SORCS2: variants seen among roughly 807,000 people sequenced by gnomAD.
The protein encoded by SORCS2 is sortilin related VPS10 domain containing receptor 2.
SORCS2 carries 100 observed loss-of-function variants against 141.6 expected under a neutral mutation model. That is an observed-to-expected ratio of 0.71 (90% CI 0.60 to 0.83). The LOEUF is 0.83. Among genes scored for constraint, SORCS2 ranks in the 40% least tolerant of loss-of-function variants. The pLI is 0.00. For missense variants in SORCS2, 1,646 were observed against 1,560.2 expected (o/e 1.05, Z -0.93); for synonymous variants, 789 against 676.9 (o/e 1.17, Z -2.57).
intron 10 of SORCS2, among the ~76,000 whole-genome samples, chr4:7,683,107 C>T (rs544079902): frequency 3.9e-4 from 59 of 152,346 alleles, no homozygotes; most frequent in African/African-American, 1.3e-3. Flanking sequence ...CAGTTTTTGA[C>T]ACAGAATTGC....
intron 2 of SORCS2, among the ~76,000 whole-genome samples, chr4:7,506,582 T>C (rs6446605): frequency 0.16 from 23,858 of 151,406 alleles, 3,394 homozygotes; most frequent in African/African-American, 0.38. Flanking sequence ...AGTCACAAAC[T>C]GGCCGCATGG....
intron 1 of SORCS2, among the ~76,000 whole-genome samples, chr4:7,393,201 G>A (rs1004509063): frequency 1.3e-5 from 2 of 152,092 alleles, no homozygotes; most frequent in African/African-American, 2.4e-5. Flanking sequence ...ATTCCTGGCC[G>A]TCTGGGAAAG....
chr4:7,577,961 A>T (rs904181065), intron 3 of SORCS2, among the ~76,000 whole-genome samples: 4 of 151,414 alleles, frequency 2.6e-5, no homozygotes, highest in African/African-American at 9.7e-5. Context: ...ATACTGGCGA[A>T]GTCAGCTAGT....
At chr4:7,361,620 A>C (rs1347713632) in intron 1 of SORCS2, among the ~76,000 whole-genome samples, 2 of 152,154 alleles carry the variant, frequency 1.3e-5, no homozygotes, top group Non-Finnish European at 2.9e-5. Context: ...ATGGGAAAAA[A>C]GAGAGTCTGC....
chr4:7,203,739 G>A (rs975189913), intron 1 of SORCS2, among the ~76,000 whole-genome samples: 3 of 152,064 alleles, frequency 2.0e-5, no homozygotes, highest in Non-Finnish European at 4.4e-5. Context: ...TCACAGTGTT[G>A]TGCAGCTGTG....
At chr4:7,527,691 C>T (rs1577700420) in intron 2 of SORCS2, among the ~76,000 whole-genome samples, 3 of 151,720 alleles carry the variant, frequency 2.0e-5, no homozygotes, top group Admixed American at 2.0e-4. Flanking sequence ...TCACAGGCCC[C>T]CCCACCAGGT....
intron 18 of SORCS2, among the ~76,000 whole-genome samples, chr4:7,721,408 G>A (rs746658303): frequency 2.0e-5 from 3 of 152,190 alleles, no homozygotes; most frequent in Non-Finnish European, 4.4e-5. Context: ...GGAGGTTGCA[G>A]TGAGCCAAGA....
At chr4:7,644,078 A>C (rs929413210) in intron 4 of SORCS2, among the ~76,000 whole-genome samples, 1 of 152,176 alleles carries the variant, frequency 6.6e-6, no homozygotes, top group South Asian at 2.1e-4. Context: ...AACAGGAGGG[A>C]TCAGTGCTTT....
chr4:7,351,106 C>T (rs1409779155), intron 1 of SORCS2, among the ~76,000 whole-genome samples: 1 of 152,214 alleles, frequency 6.6e-6, no homozygotes, highest in Non-Finnish European at 1.5e-5. Context: ...CCAACACACG[C>T]TACACGCCCC....
At chr4:7,622,752 T>C (rs186548112) in intron 3 of SORCS2, among the ~76,000 whole-genome samples, 3 of 152,284 alleles carry the variant, frequency 2.0e-5, no homozygotes, top group Admixed American at 2.0e-4. Flanking sequence ...CAGGTCACAG[T>C]GGCCTCCACG....
At chr4:7,683,373 AGCTGGGTG>A (rs1296840650) in intron 10 of SORCS2, among the ~76,000 whole-genome samples, 37 of 145,358 alleles carry the variant, frequency 2.5e-4, no homozygotes, top group African/African-American at 1.0e-3. Context: ...GTCTGGGCTC[AGCTGGGTG>A]GCTCTGCTGA....
At chr4:7,451,811 C>T (rs148084345) in intron 2 of SORCS2, among the ~76,000 whole-genome samples, 154 of 152,296 alleles carry the variant, frequency 1.0e-3, no homozygotes, top group African/African-American at 3.5e-3. Flanking sequence ...CAGACTGAAG[C>T]GGGGAGCTCA....
intron 1 of SORCS2, among the ~76,000 whole-genome samples, chr4:7,204,037 C>G (rs941274704): frequency 6.6e-6 from 1 of 152,210 alleles, no homozygotes; most frequent in Non-Finnish European, 1.5e-5. Context: ...GTATGGACAC[C>G]ACACATTTCC....
chr4:7,499,217 C>T (rs993619502), intron 2 of SORCS2, among the ~76,000 whole-genome samples: 11 of 151,988 alleles, frequency 7.2e-5, no homozygotes, highest in African/African-American at 2.4e-4. Context: ...AGTGTGTGCA[C>T]GTCACCCCCA....
chr4:7,656,635 CTGGG>C (rs1721797001), intron 5 of SORCS2, among the ~76,000 whole-genome samples: 1 of 152,246 alleles, frequency 6.6e-6, no homozygotes, highest in Non-Finnish European at 1.5e-5. Flanking sequence ...GCCCACTCTG[CTGGG>C]TGGTCTGGCC....
intron 1 of SORCS2, among the ~76,000 whole-genome samples, chr4:7,222,193 T>C (rs1452865875): frequency 2.0e-5 from 3 of 152,128 alleles, no homozygotes. Context: ...AAAACCCGTG[T>C]CTCTGCTGCA....
At chr4:7,209,941 G>A (rs919330657) in intron 1 of SORCS2, among the ~76,000 whole-genome samples, 9 of 152,236 alleles carry the variant, frequency 5.9e-5, no homozygotes, top group Admixed American at 5.9e-4. Flanking sequence ...GGGAAGGGGT[G>A]AAGTCCATGG....
chr4:7,607,823 A>C (rs918381972), intron 3 of SORCS2, among the ~76,000 whole-genome samples: 4 of 152,016 alleles, frequency 2.6e-5, no homozygotes, highest in African/African-American at 7.2e-5. Flanking sequence ...AGTAGCAGAG[A>C]TAGGTGCTCC....
At chr4:7,293,770 G>A (rs1021448909) in intron 1 of SORCS2, among the ~76,000 whole-genome samples, 1 of 152,316 alleles carries the variant, frequency 6.6e-6, no homozygotes. Flanking sequence ...AGCTGCCTGG[G>A]GGAGCCTAGA....
Sources: gnomAD v4.1 joint callset for allele counts (sites outside exome capture counted in the v4.1 genomes callset) on GRCh38, gnomAD v4.1.1 for gene constraint, MANE v1.5 for transcripts, NCBI Gene and HGNC (gene_info 2026-07-23, HGNC 2026-07-21) for gene names.